DNAH7: variants seen among roughly 807,000 people sequenced by gnomAD.
The protein encoded by DNAH7 is dynein axonemal heavy chain 7.
Under a neutral mutation model 444.6 loss-of-function variants are expected in DNAH7, and 397 were observed. The ratio of observed to expected loss-of-function variants is 0.89; its 90% CI spans 0.82 to 0.97. The LOEUF (loss-of-function observed/expected upper bound fraction) is 0.97, where lower values mean the gene tolerates loss of function less well. Ranked by LOEUF, DNAH7 falls within the 50% of genes least tolerant of loss-of-function variation. The pLI is 0.00. For missense variants in DNAH7, 4,902 were observed against 4,800.8 expected (o/e 1.02, Z -0.62); for synonymous variants, 1,636 against 1,624.4 (o/e 1.01, Z -0.17).
At chr2:195,842,146 T>C (rs1173827215) in intron 47 of DNAH7, among the ~76,000 whole-genome samples, 1 of 152,042 alleles carries the variant, frequency 6.6e-6, no homozygotes, top group Non-Finnish European at 1.5e-5. Flanking sequence ...CAGATACAGG[T>C]CTGATCTACT....
chr2:195,807,797 T>C (rs1003549859), intron 53 of DNAH7, among the ~76,000 whole-genome samples: 1 of 152,224 alleles, frequency 6.6e-6, no homozygotes, highest in Non-Finnish European at 1.5e-5. Flanking sequence ...AATAAAATTT[T>C]AATTTTAAAT....
intron 12 of DNAH7, among the ~76,000 whole-genome samples, chr2:195,990,565 G>T (rs1276849000): frequency 6.6e-6 from 1 of 151,874 alleles, no homozygotes; most frequent in African/African-American, 2.4e-5. Context: ...GCACTGAGGT[G>T]AGAGAATCAC....
intron 18 of DNAH7, among the ~76,000 whole-genome samples, chr2:195,959,016 G>A (rs1161573833): frequency 1.3e-5 from 2 of 152,092 alleles, no homozygotes; most frequent in African/African-American, 2.4e-5. Flanking sequence ...AGCTGAGATC[G>A]TGCCACTGCA....
At position 195,872,319 on chromosome 2, in the gene DNAH7, T is replaced by C; in HGVS notation, c.6564A>G (p.Gln2188=). Residue 2188 remains glutamine, a synonymous_variant, in exon 40 of 65, where the codon CAA becomes CAG. Coordinates refer to ENST00000312428, the MANE Select transcript of DNAH7 (RefSeq NM_018897.3). Reference sequence around the variant, plus strand: ...TTTCTGGTCTTGACAAACAAACACCTTGAATGACACGGGAGAAATCACGGA... The same window carrying C: ...TTTCTGGTCTTGACAAACAAACACCCTGAATGACACGGGAGAAATCACGGA... ...FNLRDFSRVI[Q]GVCLSRPETT... 6.2e-7 allele frequency: 1 copy of C among 1,613,930 alleles called. No individual in the cohort carries two copies. The highest frequency in any genetic ancestry group is 2.2e-5 in the East Asian group (1 of 44,826).
At chr2:195,906,518 T>A in intron 27 of DNAH7, 141 bp downstream of exon 27, 2 of 514,880 alleles carry the variant, frequency 3.9e-6, no homozygotes, top group South Asian at 9.1e-5. Flanking sequence ...CTCAAACACC[T>A]GAGTTCAAGT....
intron 61 of DNAH7, among the ~76,000 whole-genome samples, chr2:195,767,860 A>G (rs1694658651): frequency 6.6e-6 from 1 of 151,910 alleles, no homozygotes; most frequent in South Asian, 2.1e-4. Flanking sequence ...CTGTCTTGGA[A>G]TAAAGAAGAT....
chr2:195,800,784 G>A (rs1390779174), intron 54 of DNAH7, among the ~76,000 whole-genome samples: 1 of 151,998 alleles, frequency 6.6e-6, no homozygotes. Context: ...AAAATCAATT[G>A]ATACCTATTT....
At position 195,895,191 on chromosome 2, in the gene DNAH7, A is replaced by G. The variant is rs373800135; in HGVS notation, c.4681T>C (p.Leu1561=). The change falls in exon 30 of 65, where the codon TTA becomes CTA. Residue 1561 remains leucine (L), a synonymous_variant. Coordinates refer to ENST00000312428, the MANE Select transcript of DNAH7 (RefSeq NM_018897.3). ...ITSDLFPGVK[L]PKPDYNDLLA... is the part of the protein sequence containing the mutation. ...AAATCATTGTAATCTGGTTTTGGTA[A>G]TTTTACCCCAGGAAACAAATCCGAA... is the stretch of plus-strand genomic sequence containing the variant. 1.1e-5 allele frequency: 18 copies of G among 1,610,146 alleles called. No homozygotes were observed. The highest frequency in any genetic ancestry group is 3.3e-5 in the Admixed American group (2 of 59,956).
At chr2:195,896,362 T>A (rs1455300628) in intron 29 of DNAH7, among the ~76,000 whole-genome samples, 1 of 151,150 alleles carries the variant, frequency 6.6e-6, no homozygotes, top group East Asian at 1.9e-4. Flanking sequence ...AAAGAGTAGT[T>A]TTTTTTTTTC....
At chr2:195,802,258 C>T (rs1415862893) in intron 54 of DNAH7, among the ~76,000 whole-genome samples, 2 of 152,178 alleles carry the variant, frequency 1.3e-5, no homozygotes, top group Admixed American at 6.5e-5. Flanking sequence ...CACCTGTGAT[C>T]CCAGCACTTT....
At chr2:196,033,242 A>C (rs1254890981) in intron 5 of DNAH7, among the ~76,000 whole-genome samples, 1 of 152,230 alleles carries the variant, frequency 6.6e-6, no homozygotes, top group Non-Finnish European at 1.5e-5. Flanking sequence ...ATTTATTAAT[A>C]CAATGTGGAA....
intron 19 of DNAH7, among the ~76,000 whole-genome samples, chr2:195,947,394 T>C (rs10198151): frequency 0.082 from 12,433 of 152,028 alleles, 849 homozygotes; most frequent in African/African-American, 0.19. Context: ...GCTGACCCTA[T>C]CAACTAGTCA....
intron 54 of DNAH7, among the ~76,000 whole-genome samples, chr2:195,804,409 A>G (rs1696614242): frequency 6.6e-6 from 1 of 152,228 alleles, no homozygotes; most frequent in South Asian, 2.1e-4. Flanking sequence ...ACGGCATACT[A>G]ACAATTATTT....
chr2:195,971,442 T>TA (rs1351767926), intron 16 of DNAH7, among the ~76,000 whole-genome samples: 2 of 152,146 alleles, frequency 1.3e-5, no homozygotes, highest in African/African-American at 4.8e-5. Context: ...GAGGCAGACT[T>TA]ACAAACACTA....
intron 19 of DNAH7, among the ~76,000 whole-genome samples, chr2:195,956,953 C>T (rs1249501016): frequency 2.0e-5 from 3 of 152,060 alleles, no homozygotes; most frequent in South Asian, 2.1e-4. Flanking sequence ...ACAGAATAGA[C>T]GGAGACAGCA....
intron 46 of DNAH7, among the ~76,000 whole-genome samples, chr2:195,851,346 G>A (rs965222110): frequency 3.9e-5 from 6 of 152,178 alleles, no homozygotes; most frequent in Admixed American, 2.6e-4. Flanking sequence ...TTGATCTAGC[G>A]AAGCAAGGAA....
chr2:195,927,987 T>A (rs557529384), intron 21 of DNAH7, among the ~76,000 whole-genome samples: 1 of 152,218 alleles, frequency 6.6e-6, no homozygotes, highest in East Asian at 1.9e-4. Flanking sequence ...ACAGGGGGTA[T>A]ATGTGCAGGT....
intron 61 of DNAH7, among the ~76,000 whole-genome samples, chr2:195,771,135 A>G (rs1694817438): frequency 6.6e-6 from 1 of 152,018 alleles, no homozygotes; most frequent in Admixed American, 6.5e-5. Flanking sequence ...CCTGAGCAGG[A>G]TGGCGAGACC....
rs150873838 is a variant in DNAH7, at chr2:195,808,582, G to A, written c.10083+100C>T. The A allele has an allele frequency of 1.8e-4, 253 of 1,401,964 alleles. 2 individuals are homozygous for A. The East Asian group carries it at 5.8e-3, about 32-fold the overall frequency. The allele number at this position is 1,401,964 out of a possible 1,614,324, so 86.8% of individuals were successfully genotyped here. ...AAATTTGCATTCTAACATGTGACCA[G>A]TTGTTTAAAGCTTATTTAAATCTTG... On this transcript the variant is annotated intron_variant, in intron 53 of 64. Coordinates refer to ENST00000312428, the MANE Select transcript of DNAH7 (RefSeq NM_018897.3).
Sources: allele counts gnomAD v4.1 joint callset (sites outside exome capture counted in the v4.1 genomes callset), GRCh38; gene constraint gnomAD v4.1.1; transcripts MANE v1.5; gene names NCBI Gene and HGNC (gene_info 2026-07-23, HGNC 2026-07-21).